Variants in SPINDOC observed in about 807,000 individuals in gnomAD.
The protein encoded by SPINDOC is spindlin interactor and repressor of chromatin binding, also known as spindlin interactor and repressor of chromatin-binding protein.
Under a neutral mutation model 30.7 loss-of-function variants are expected in SPINDOC, and 13 were observed. The observed-to-expected ratio is 0.42, with a 90% CI of 0.28 to 0.67. The LOEUF is 0.67. SPINDOC is among the 30% of genes least tolerant of loss of function. The pLI, the probability that SPINDOC is intolerant of heterozygous loss-of-function variation, is 0.22. For missense variants in SPINDOC, 438 were observed against 518.0 expected, an observed-to-expected ratio of 0.85 and a Z score of 1.50; for synonymous variants, 228 against 211.4, an observed-to-expected ratio of 1.08 and a Z score of -0.68.
intron 5 of SPINDOC, among the ~76,000 whole-genome samples, chr11:63,826,197 A>G (rs556197273): frequency 3.9e-5 from 6 of 152,166 alleles, no homozygotes; most frequent in South Asian, 4.1e-4. Context: ...TGGCCTCCCA[A>G]AGTGCTGGGA....
intron 5 of SPINDOC, among the ~76,000 whole-genome samples, chr11:63,825,305 C>T (rs573340115): frequency 2.0e-5 from 3 of 152,300 alleles, no homozygotes; most frequent in South Asian, 2.1e-4. Flanking sequence ...GGGAAGCCAG[C>T]GTGCTCCACC....
chr11:63,827,375 G>T lies in SPINDOC; in HGVS notation c.*236G>T. Reference sequence around the variant, plus strand: ...TTGTGCAGTAGGGCACTGGGCCTGTGGAGAACACCTACCCCAGTCCTTCGC... The same window carrying T: ...TTGTGCAGTAGGGCACTGGGCCTGTTGAGAACACCTACCCCAGTCCTTCGC... On this transcript the variant is annotated 3_prime_UTR_variant, in exon 6 of 6. Coordinates refer to ENST00000294244, the MANE Select transcript of SPINDOC (RefSeq NM_138471.3). 1 of 645,320 alleles carries T rather than the reference G, an allele frequency of 1.5e-6. No individual in the cohort carries two copies. The highest frequency in any genetic ancestry group is 2.6e-6 in the Non-Finnish European group (1 of 381,642). The allele number at this position is 645,320 out of a possible 1,614,324, so 40.0% of individuals were successfully genotyped here.
At position 63,818,222 on chromosome 11, in the gene SPINDOC, G is replaced by A. The variant is rs1463934277; in HGVS notation, c.464G>A (p.Gly155Asp). 1 of 1,613,974 alleles carries A rather than the reference G, an allele frequency of 6.2e-7. No individual in the cohort carries two copies. Among genetic ancestry groups the A allele is most frequent in the African/African-American group, 1.3e-5 (1 of 74,898 alleles). The change falls in exon 3 of 6, where the codon GGC becomes GAC. Residue 155 changes from glycine (G) to aspartate (D), a missense_variant. Coordinates refer to ENST00000294244, the MANE Select transcript of SPINDOC (RefSeq NM_138471.3). This position sits in a 1 kb window ranked among gnomAD's most constrained non-coding sequence, Gnocchi z 5.3. ...GTGCTCTTGCTCCCTGCAGACTCGG[G>A]CCAGGATGCCCACCCAGACCCAGAC... ...EQPSPPNSDSGQDAHPDPDAN... is the reference protein window; with the variant it reads ...EQPSPPNSDSDQDAHPDPDAN...
At chr11:63,822,509 T>C (rs900910591) in intron 5 of SPINDOC, 7 of 878,438 alleles carry the variant, frequency 8.0e-6, no homozygotes, top group Non-Finnish European at 1.1e-5. Context: ...GAGAGAGCTC[T>C]CTGTGTGTTT....
In SPINDOC at chr11:63,818,444, G is replaced by A; in HGVS notation, c.607+79G>A. 2 of 1,604,810 alleles carry A rather than the reference G, an allele frequency of 1.2e-6. No individual in the cohort carries two copies. The highest frequency in any genetic ancestry group is 1.7e-6 in the Non-Finnish European group (2 of 1,176,970). ...GGGTGAAATACAGGCCCTGTGTTCT[G>A]GGCAGGTATCTTCAGGAGCCCTGGG... On this transcript the variant is annotated intron_variant, in intron 3 of 5. Coordinates refer to ENST00000294244, the MANE Select transcript of SPINDOC (RefSeq NM_138471.3). The surrounding 1 kb of genome is among the most constrained non-coding windows in gnomAD (Gnocchi z 5.3).
rs997289838 is a variant in SPINDOC at position 63,827,611 on chromosome 11, G to C, written c.*472G>C. ...CTCTTCCTGTCCCACCCCTGCAGAG[G>C]CCTGAAGCTGGGCCTGGGCACCCCA... On this transcript the variant is annotated 3_prime_UTR_variant, in exon 6 of 6. Transcript: ENST00000294244. The C allele has an allele frequency of 5.4e-6, 1 of 184,676 alleles. No homozygotes were observed. Among genetic ancestry groups the C allele is most frequent in the Admixed American group, 5.3e-5 (1 of 18,746 alleles). 11.4% of individuals were successfully genotyped at this position (184,676 alleles called of 1,614,324 possible).
rs1330511053 is a variant in SPINDOC, at chr11:63,818,828, G to A, written c.760G>A (p.Glu254Lys). 9 of 1,613,806 alleles carry A rather than the reference G, an allele frequency of 5.6e-6. No homozygotes were observed. The highest frequency in any genetic ancestry group is 7.6e-6 in the Non-Finnish European group (9 of 1,180,030). Residue 254 changes from glutamate to lysine, a missense_variant, in exon 5 of 6, where the codon GAG (glutamate) becomes AAG (lysine). Physicochemically the swap from Glu to Lys is moderately conservative, Grantham distance 56. This residue lies in a region of SPINDOC where 300 missense variants were observed against 332.8 expected (regional missense o/e 0.90). Transcript: ENST00000294244. This position sits in a 1 kb window ranked among gnomAD's most constrained non-coding sequence, Gnocchi z 5.3. ...PEPPSPDSPT[E>K]TFAAPAEVRH... is the part of the protein sequence containing the mutation. ...GCCCCCATCGCCAGACTCGCCCACG[G>A]AGACTTTCGCAGCACCAGCCGAGGT...
chr11:63,813,827 G>A lies in SPINDOC; in HGVS notation c.127+14G>A, dbSNP rs377157981. On this transcript the variant is annotated intron_variant, in intron 1 of 5. Coordinates refer to ENST00000294244, the MANE Select transcript of SPINDOC (RefSeq NM_138471.3). ...CGATGCTCAGAGGTGAGGATGGAGG[G>A]GATTCCACTTCCGCGTCACGGTGCG... 7.9e-6 allele frequency: 12 copies of A among 1,518,750 alleles called. No individual in the cohort carries two copies. The highest frequency in any genetic ancestry group is 1.1e-5 in the Non-Finnish European group (12 of 1,128,362). 94.1% of individuals were successfully genotyped at this position (1,518,750 alleles called of 1,614,324 possible). A position where few individuals can be genotyped will look rare whatever the true frequency, so the allele number is the denominator to read the frequency against.
At chr11:63,815,404 G>T (rs2015312154) in intron 1 of SPINDOC, among the ~76,000 whole-genome samples, 1 of 152,240 alleles carries the variant, frequency 6.6e-6, no homozygotes, top group Non-Finnish European at 1.5e-5. Context: ...CATTTTCCGA[G>T]ATGGGGAAGG....
chr11:63,824,792 A>G (rs1474100291), intron 5 of SPINDOC, among the ~76,000 whole-genome samples: 1 of 150,392 alleles, frequency 6.6e-6, no homozygotes, highest in Non-Finnish European at 1.5e-5. Context: ...CAAACTCGCC[A>G]CATTGAAACT....
Position 63,818,960 on chromosome 11 carries a change from G to A in SPINDOC, c.892G>A (p.Val298Met), listed in dbSNP as rs371799487. The A allele has an allele frequency of 2.6e-5, 42 of 1,614,138 alleles. No individual in the cohort carries two copies. In the East Asian group the frequency reaches 2.9e-4, roughly 11 times the overall value. Residue 298 changes from valine (V) to methionine (M), a missense_variant, in exon 5 of 6, where the codon GTG becomes ATG. Coordinates refer to ENST00000294244, the MANE Select transcript of SPINDOC (RefSeq NM_138471.3). This position sits in a 1 kb window ranked among gnomAD's most constrained non-coding sequence, Gnocchi z 5.3. ...CAAGGACTCACCCAAAGACAGGGAA[G>A]TGGCAGAAGGAGGCCTTCCCCGGGC... is the stretch of plus-strand genomic sequence containing the variant. The part of the protein sequence containing the change: ...DSKDSPKDRE[V>M]AEGGLPRAES...
intron 5 of SPINDOC, among the ~76,000 whole-genome samples, chr11:63,825,358 C>G (rs2015630416): frequency 1.3e-5 from 2 of 152,272 alleles, no homozygotes; most frequent in Middle Eastern, 3.4e-3. Context: ...AAATGCTGTT[C>G]CCTCCCTGTC....
chr11:63,818,788 G>C lies in SPINDOC; in HGVS notation c.734-14G>C, dbSNP rs781308402. On this transcript the variant is annotated splice_polypyrimidine_tract_variant and intron_variant, in intron 4 of 5. Transcript: ENST00000294244. This position sits in a 1 kb window ranked among gnomAD's most constrained non-coding sequence, Gnocchi z 5.3. ...GCTTTTTCACTCACAGTTCCATCCC[G>C]TCCTCCCTTCCAGAGCCCCCATCGC... 5 of 1,613,384 alleles carry C rather than the reference G, an allele frequency of 3.1e-6. No individual in the cohort carries two copies. Among genetic ancestry groups the C allele is most frequent in the Non-Finnish European group, 4.2e-6 (5 of 1,179,990 alleles).
rs560643750 is a variant in SPINDOC at position 63,821,706 on chromosome 11, G to A, written c.934+2704G>A. Among the ~76,000 whole-genome samples the A allele has an allele frequency of 2.2e-4, 33 of 152,294 alleles. No homozygotes were observed. In the South Asian group the frequency reaches 4.2e-3, roughly 19 times the overall value. ...CTAGAGCCATAGAATGATGGCCAAC[G>A]AGGTGGCTGGAGGCTCTCCTGAGAG... On this transcript the variant is annotated intron_variant, in intron 5 of 5. Transcript: ENST00000294244.
Position 63,818,767 on chromosome 11 carries a change from T to G in SPINDOC, c.734-35T>G, listed in dbSNP as rs763194319. On this transcript the variant is annotated intron_variant, in intron 4 of 5. Coordinates refer to ENST00000294244, the MANE Select transcript of SPINDOC (RefSeq NM_138471.3). This position sits in a 1 kb window ranked among gnomAD's most constrained non-coding sequence, Gnocchi z 5.3. Reference sequence around the variant, plus strand: ...AGGGCGCCTGCAGCTCCTGAGGCTTTTTCACTCACAGTTCCATCCCGTCCT... The same window carrying G: ...AGGGCGCCTGCAGCTCCTGAGGCTTGTTCACTCACAGTTCCATCCCGTCCT... The G allele has an allele frequency of 5.6e-6, 9 of 1,612,818 alleles. No individual in the cohort carries two copies. The highest frequency in any genetic ancestry group is 7.6e-6 in the Non-Finnish European group (9 of 1,179,802).
At chr11:63,820,187 C>T (rs911913076) in intron 5 of SPINDOC, among the ~76,000 whole-genome samples, 4 of 151,286 alleles carry the variant, frequency 2.6e-5, no homozygotes, top group East Asian at 3.9e-4. Context: ...CACCTGAGGT[C>T]GGGAGTTTGA....
chr11:63,821,533 C>T (rs1202893466), intron 5 of SPINDOC, among the ~76,000 whole-genome samples: 2 of 152,160 alleles, frequency 1.3e-5, no homozygotes, highest in Non-Finnish European at 2.9e-5. Flanking sequence ...GGAATGTAGT[C>T]CAGCAGGGCA....
intron 5 of SPINDOC, among the ~76,000 whole-genome samples, chr11:63,821,753 G>A (rs903399889): frequency 3.3e-5 from 5 of 152,142 alleles, no homozygotes; most frequent in Non-Finnish European, 2.9e-5. Context: ...AAAAGCAGGT[G>A]TGCTTTTGTT....
intron 1 of SPINDOC, among the ~76,000 whole-genome samples, chr11:63,816,138 GT>G (rs1377281898): frequency 6.6e-6 from 1 of 152,186 alleles, no homozygotes; most frequent in Non-Finnish European, 1.5e-5. Flanking sequence ...AGGTGGTGAT[GT>G]GTGCTGTGTT....
Sources: gnomAD v4.1 joint callset for allele counts (sites outside exome capture counted in the v4.1 genomes callset) on GRCh38, gnomAD v4.1.1 for gene constraint, gnomAD v4.1.1 regional missense constraint, Gnocchi (gnomAD v3.1) non-coding constraint, MANE v1.5 for transcripts, NCBI Gene and HGNC (gene_info 2026-07-23, HGNC 2026-07-21) for gene names.